Variants in IGF2R observed in about 807,000 individuals in gnomAD.
IGF2R encodes cation-independent mannose-6-phosphate receptor.
IGF2R carries 91 observed loss-of-function variants against 270.6 expected under a neutral mutation model. That is an observed-to-expected ratio of 0.34 (90% CI 0.28 to 0.40). IGF2R has a LOEUF of 0.40. IGF2R is among the 10% of genes least tolerant of loss of function. The pLI is 1.00. For missense variants in IGF2R, 2,805 were observed against 3,188.3 expected (o/e 0.88, Z 2.90); for synonymous variants, 1,316 against 1,258.9 (o/e 1.05, Z -0.96).
chr6:160,031,381 T>C (rs181076759), intron 7 of IGF2R, among the ~76,000 whole-genome samples: 25 of 152,272 alleles, frequency 1.6e-4, no homozygotes, highest in Admixed American at 1.3e-3. Context: ...TCAGTGGTTA[T>C]TAGTATTTTT....
rs1266575762 is a variant in IGF2R, at chr6:160,012,918, C to T, written c.513+2133C>T. On this transcript the variant is annotated intron_variant, in intron 4 of 47. Transcript: ENST00000356956. ...CTGGGATTACAGGAGTGAGCCCCTG[C>T]GCCTGGCCCCACACACAGTCATCCT... 2.0e-5 allele frequency among the ~76,000 whole-genome samples: 3 copies of T among 151,706 alleles called. No homozygotes were observed. The South Asian group carries it at 6.3e-4, about 32-fold the overall frequency.
At chr6:159,984,874 C>T (rs988405962) in intron 1 of IGF2R, among the ~76,000 whole-genome samples, 7 of 152,160 alleles carry the variant, frequency 4.6e-5, no homozygotes, top group African/African-American at 1.7e-4. Flanking sequence ...ATTCACATAC[C>T]TTTTATTACA....
chr6:160,012,566 C>G (rs2115208424), intron 4 of IGF2R, among the ~76,000 whole-genome samples: 1 of 151,500 alleles, frequency 6.6e-6, no homozygotes, highest in East Asian at 2.0e-4. Flanking sequence ...CCAGATCTCA[C>G]AAGAACTCAC....
chr6:160,039,355 G>A (rs1297745372), intron 10 of IGF2R, among the ~76,000 whole-genome samples: 1 of 152,122 alleles, frequency 6.6e-6, no homozygotes, highest in Non-Finnish European at 1.5e-5. Flanking sequence ...TGAGGCTACC[G>A]TTTTATATGC....
At chr6:159,975,824 C>T (rs1217479040) in intron 1 of IGF2R, among the ~76,000 whole-genome samples, 3 of 148,084 alleles carry the variant, frequency 2.0e-5, no homozygotes, top group African/African-American at 4.9e-5. Context: ...TACACACGCA[C>T]ATATATAAAT....
chr6:160,093,262 T>C (rs1779271095), intron 44 of IGF2R: 2 of 177,394 alleles, frequency 1.1e-5, no homozygotes, highest in Non-Finnish European at 2.4e-5. Flanking sequence ...TGGGCAGGAT[T>C]GGTCCATTGA....
intron 19 of IGF2R, among the ~76,000 whole-genome samples, chr6:160,055,980 C>A (rs1047441052): frequency 6.6e-6 from 1 of 152,164 alleles, no homozygotes; most frequent in African/African-American, 2.4e-5. Context: ...CCTAGGAGCC[C>A]TCCTGTGCCC....
chr6:160,042,714 T>C (rs1777972470), intron 11 of IGF2R, among the ~76,000 whole-genome samples: 1 of 152,214 alleles, frequency 6.6e-6, no homozygotes, highest in Non-Finnish European at 1.5e-5. Flanking sequence ...TTCTTTTAGC[T>C]TCACAGGCCT....
chr6:160,065,329 G>GT (rs1054640526), intron 29 of IGF2R, among the ~76,000 whole-genome samples: 2 of 152,170 alleles, frequency 1.3e-5, no homozygotes, highest in African/African-American at 2.4e-5. Context: ...CTGCGGTTCT[G>GT]TTTTTTGGAG....
At position 160,024,623 on chromosome 6, in the gene IGF2R, C is replaced by T; in HGVS notation, c.565C>T (p.Leu189=). The change falls in exon 5 of 48, where the codon CTG becomes TTG. Residue 189 remains leucine, a synonymous_variant. Coordinates refer to ENST00000356956, the MANE Select transcript of IGF2R (RefSeq NM_000876.4). ...EELRKHDLNP[L]IKLSGAYLVD... is the part of the protein sequence containing the mutation. ...GTTGAGGAAGCATGATCTCAATCCT[C>T]TGATCAAGCTTAGTGGTGCCTACTT... is the stretch of plus-strand genomic sequence containing the variant. 1 of 1,613,924 alleles carries T rather than the reference C, an allele frequency of 6.2e-7. No homozygotes were observed. The highest frequency in any genetic ancestry group is 8.5e-7 in the Non-Finnish European group (1 of 1,179,796).
Position 160,096,447 on chromosome 6 carries a change from C to G in IGF2R, c.6664C>G (p.Leu2222Val). 1 of 1,610,300 alleles carries G rather than the reference C, an allele frequency of 6.2e-7. No homozygotes were observed. The highest frequency in any genetic ancestry group is 8.5e-7 in the Non-Finnish European group (1 of 1,177,760). The change falls in exon 45 of 48, where the codon CTC becomes GTC. Residue 2222 changes from leucine to valine, a missense_variant. Coordinates refer to ENST00000356956, the MANE Select transcript of IGF2R (RefSeq NM_000876.4). ...CCCTTCCCGTTTGACAGACGGCGATCTCGATGTCGTGTTTGCCTCTTCCTC... is the reference window on the plus strand; with the variant it reads ...CCCTTCCCGTTTGACAGACGGCGATGTCGATGTCGTGTTTGCCTCTTCCTC... ...KTKYYLQDGD[L>V]DVVFASSSKC...
At chr6:160,003,869 T>C (rs4596512) in intron 2 of IGF2R, 31,448 of 151,758 alleles carry the variant, frequency 0.21, 3,957 homozygotes, top group East Asian at 0.57. Flanking sequence ...GGTGTGTGTG[T>C]GAGGATATTA....
At chr6:160,000,118 A>G (rs186678150) in intron 2 of IGF2R, among the ~76,000 whole-genome samples, 202 of 152,340 alleles carry the variant, frequency 1.3e-3, no homozygotes, top group African/African-American at 4.6e-3. Context: ...CAAAAGAAGA[A>G]ATCCAGATGC....
intron 41 of IGF2R, among the ~76,000 whole-genome samples, chr6:160,086,892 G>A (rs1385071104): frequency 6.6e-6 from 1 of 152,086 alleles, no homozygotes; most frequent in Non-Finnish European, 1.5e-5. Context: ...TGTGTGGTCA[G>A]GGTGGAAGGC....
intron 30 of IGF2R, among the ~76,000 whole-genome samples, chr6:160,069,279 C>T (rs1305197411): frequency 6.6e-6 from 1 of 152,142 alleles, no homozygotes; most frequent in Non-Finnish European, 1.5e-5. Context: ...ACAGCCCCAC[C>T]TGCATCTTGG....
At chr6:160,087,932 T>C (rs1583300860) in intron 41 of IGF2R, 101 bp from the exon 42 acceptor site, 1 of 725,424 alleles carries the variant, frequency 1.4e-6, no homozygotes, top group East Asian at 2.6e-5. Context: ...CTCTTTGGTT[T>C]CCCAAAGTGT....
rs374410770 is a variant in IGF2R, at chr6:159,991,172, C to T, written c.150-12C>T. On this transcript the variant is annotated splice_polypyrimidine_tract_variant and intron_variant, in intron 1 of 47. Transcript: ENST00000356956. Reference sequence around the variant, plus strand: ...TCAGTGACATTGACAAGTTGTTTTTCTTCCTTTCCAGTTATACATGGGAAG... The same window carrying T: ...TCAGTGACATTGACAAGTTGTTTTTTTTCCTTTCCAGTTATACATGGGAAG... 170 of 1,591,104 alleles carry T rather than the reference C, an allele frequency of 1.1e-4. No individual in the cohort carries two copies. Among genetic ancestry groups the T allele is most frequent in the Non-Finnish European group, 1.4e-4 (165 of 1,168,110 alleles).
rs1426929510 is a variant in IGF2R, at chr6:160,104,666, C to T, written c.7066-8C>T. 1.9e-6 allele frequency: 3 copies of T among 1,607,172 alleles called. No homozygotes were observed. Among genetic ancestry groups the T allele is most frequent in the East Asian group, 2.2e-5 (1 of 44,856 alleles). On this transcript the variant is annotated splice_region_variant and splice_polypyrimidine_tract_variant and intron_variant, in intron 47 of 47. Transcript: ENST00000356956. ...GCTCACGTGGTCTCTGCTGTTGATC[C>T]CTGGCAGGTGAATAAGGAAGAAGAG...
intron 1 of IGF2R, among the ~76,000 whole-genome samples, chr6:159,980,217 A>AGAGAGAGAG (rs1244191685): frequency 1.1e-5 from 1 of 89,908 alleles, no homozygotes; most frequent in Non-Finnish European, 2.4e-5. Flanking sequence ...GAAAGAAAGA[A>AGAGAGAGAG]AGAAAGAAAG....
Sources: gnomAD v4.1 joint callset for allele counts (sites outside exome capture counted in the v4.1 genomes callset) on GRCh38, gnomAD v4.1.1 for gene constraint, MANE v1.5 for transcripts, NCBI Gene and HGNC (gene_info 2026-07-23, HGNC 2026-07-21) for gene names.